TTLL11: variants seen among roughly 807,000 people sequenced by gnomAD.
TTLL11 encodes tubulin tyrosine ligase like 11.
In TTLL11, 42 loss-of-function variants were observed where a neutral mutation model predicts 51.7. The ratio of observed to expected loss-of-function variants is 0.81; its 90% CI spans 0.64 to 1.05. The LOEUF (loss-of-function observed/expected upper bound fraction) is 1.05. Among genes scored for constraint, TTLL11 ranks in the 50% least tolerant of loss-of-function variants. TTLL11 has a pLI of 0.00. For synonymous variants in TTLL11, 381 were observed against 383.5 expected, an observed-to-expected ratio of 0.99 and a Z score of 0.08; for missense variants, 799 against 940.4, an observed-to-expected ratio of 0.85 and a Z score of 1.97.
chr9:121,892,227 A>C (rs1363704816), intron 6 of TTLL11, among the ~76,000 whole-genome samples: 1 of 150,100 alleles, frequency 6.7e-6, no homozygotes, highest in Non-Finnish European at 1.5e-5. Context: ...TATATATATA[A>C]TCTTCCAATC....
In TTLL11 at chr9:121,838,040, G is replaced by A. The variant is rs576923596; in HGVS notation, c.1841-15161C>T. Among the ~76,000 whole-genome samples the A allele has an allele frequency of 3.3e-5, 5 of 152,248 alleles. No individual in the cohort carries two copies. In the East Asian group the frequency reaches 7.7e-4, roughly 24 times the overall value. On this transcript the variant is annotated intron_variant, in intron 8 of 8. Coordinates refer to ENST00000321582, the MANE Select transcript of TTLL11 (RefSeq NM_001139442.2). ...TCTCTTCCTGTCATTCATTCCCCAG[G>A]TTGAAATACCTTCAATGAATCCATG... is the stretch of plus-strand genomic sequence containing the variant.
chr9:121,956,084 C>T (rs184150976), intron 6 of TTLL11, among the ~76,000 whole-genome samples: 1 of 152,108 alleles, frequency 6.6e-6, no homozygotes, highest in Non-Finnish European at 1.5e-5. Flanking sequence ...TAGCAGCCCA[C>T]AGGCTGCCAT....
intron 6 of TTLL11, among the ~76,000 whole-genome samples, chr9:121,947,458 A>T (rs1395836998): frequency 3.3e-5 from 5 of 152,214 alleles, no homozygotes; most frequent in African/African-American, 1.2e-4. Context: ...GTTTAGAGAG[A>T]TAAACCTCAA....
chr9:121,976,729 T>C (rs1170558016), intron 4 of TTLL11, among the ~76,000 whole-genome samples: 2 of 152,208 alleles, frequency 1.3e-5, no homozygotes, highest in Non-Finnish European at 2.9e-5. Flanking sequence ...GATGAAGTTA[T>C]TTTTCAATGA....
chr9:121,951,002 T>C (rs1424903346), intron 6 of TTLL11, among the ~76,000 whole-genome samples: 1 of 152,148 alleles, frequency 6.6e-6, no homozygotes, highest in Non-Finnish European at 1.5e-5. Flanking sequence ...CACAGCCCCC[T>C]GCTCCATCTT....
At chr9:121,839,288 A>T (rs1241189965) in intron 8 of TTLL11, among the ~76,000 whole-genome samples, 1 of 152,200 alleles carries the variant, frequency 6.6e-6, no homozygotes, top group Non-Finnish European at 1.5e-5. Context: ...GCACGTCCCC[A>T]TCACCCCCAG....
At chr9:121,845,622 A>AT (rs1307635634) in intron 8 of TTLL11, among the ~76,000 whole-genome samples, 1 of 152,228 alleles carries the variant, frequency 6.6e-6, no homozygotes, top group Non-Finnish European at 1.5e-5. Flanking sequence ...CAGCAATGTT[A>AT]TAAGGCATGG....
chr9:121,911,705 G>A (rs543407603), intron 6 of TTLL11, among the ~76,000 whole-genome samples: 39 of 152,174 alleles, frequency 2.6e-4, no homozygotes, highest in Admixed American at 7.9e-4. Flanking sequence ...CAAACACCAC[G>A]TGTTCTCACG....
At chr9:122,057,423 G>C (rs1464453244) in intron 1 of TTLL11, among the ~76,000 whole-genome samples, 1 of 149,878 alleles carries the variant, frequency 6.7e-6, no homozygotes, top group African/African-American at 2.5e-5. Flanking sequence ...CCGGGTTCAA[G>C]CAATTCTCCT....
chr9:121,932,301 T>A (rs999606589), intron 6 of TTLL11, among the ~76,000 whole-genome samples: 1 of 152,196 alleles, frequency 6.6e-6, no homozygotes, highest in Non-Finnish European at 1.5e-5. Flanking sequence ...AAGGTTTTGG[T>A]AGATTTAAAT....
Position 122,031,818 on chromosome 9 carries a change from C to G in TTLL11, c.598G>C (p.Ala200Pro). The change falls in exon 3 of 9, where the codon GCA becomes CCA. Residue 200 changes from alanine to proline, a missense_variant. Ala to Pro is a conservative substitution (Grantham distance 27, BLOSUM62 -1). Around this residue, in one of 3 missense-constraint regions of TTLL11, gnomAD observed 468 missense variants for 612.8 expected, o/e 0.76. Transcript: ENST00000321582. ...EMVRKITLSR[A>P]VRTMQNLFPE... ...AAGAGATTCTGCATGGTTCTCACTG[C>G]TCTGCTCAGAGTAATTTTACGCACC... 1 of 1,614,140 alleles carries G rather than the reference C, an allele frequency of 6.2e-7. No individual in the cohort carries two copies.
At chr9:121,874,602 T>C (rs1234717988) in intron 6 of TTLL11, among the ~76,000 whole-genome samples, 1 of 152,242 alleles carries the variant, frequency 6.6e-6, no homozygotes, top group South Asian at 2.1e-4. Flanking sequence ...GTATTAAGAG[T>C]GTTTTCATCA....
chr9:122,035,953 G>A (rs575224704), intron 2 of TTLL11, among the ~76,000 whole-genome samples: 1 of 152,154 alleles, frequency 6.6e-6, no homozygotes, highest in South Asian at 2.1e-4. Context: ...CGAGTAATAT[G>A]CTGAAGGCAT....
intron 6 of TTLL11, among the ~76,000 whole-genome samples, chr9:121,910,392 T>C (rs1317803003): frequency 6.6e-6 from 1 of 152,254 alleles, no homozygotes. Flanking sequence ...TTTCAAACAC[T>C]GTTCTTCGTA....
intron 6 of TTLL11, among the ~76,000 whole-genome samples, chr9:121,947,658 A>G (rs1227734787): frequency 6.6e-6 from 1 of 152,172 alleles, no homozygotes; most frequent in Admixed American, 6.5e-5. Flanking sequence ...ATAATAGAAA[A>G]TGTTCTCTGA....
rs1837418482 is a variant in TTLL11 at position 121,843,399 on chromosome 9, A to G, written c.1840+16938T>C. On this transcript the variant is annotated intron_variant, in intron 8 of 8. Transcript: ENST00000321582. Reference sequence around the variant, plus strand: ...AGCCAGGAGCTGATAAGAACATTTCACTCGTAATTGATGAGTTGCTAGAGA... The same window carrying G: ...AGCCAGGAGCTGATAAGAACATTTCGCTCGTAATTGATGAGTTGCTAGAGA... 2.0e-5 allele frequency among the ~76,000 whole-genome samples: 3 copies of G among 151,938 alleles called. 1 individual carries two copies. The highest frequency in any genetic ancestry group is 2.0e-4 in the Admixed American group (3 of 15,274).
intron 6 of TTLL11, among the ~76,000 whole-genome samples, chr9:121,894,401 C>T (rs562587179): frequency 3.3e-5 from 5 of 152,312 alleles, no homozygotes; most frequent in Admixed American, 2.6e-4. Context: ...TGGGTATATA[C>T]CCGAAGGATT....
chr9:122,081,551 T>C (rs1270601941), intron 1 of TTLL11, among the ~76,000 whole-genome samples: 2 of 152,230 alleles, frequency 1.3e-5, no homozygotes, highest in Non-Finnish European at 2.9e-5. Flanking sequence ...GATAAATCTA[T>C]GTGAAAGTTT....
chr9:122,049,955 T>A (rs1278884266), intron 1 of TTLL11, among the ~76,000 whole-genome samples: 2 of 151,998 alleles, frequency 1.3e-5, no homozygotes, highest in Admixed American at 6.6e-5. Context: ...GGGGAAATGG[T>A]CCAAATGGCT....
Sources: gnomAD v4.1 joint callset for allele counts (sites outside exome capture counted in the v4.1 genomes callset) on GRCh38, gnomAD v4.1.1 for gene constraint, gnomAD v4.1.1 regional missense constraint, MANE v1.5 for transcripts, NCBI Gene and HGNC (gene_info 2026-07-23, HGNC 2026-07-21) for gene names.